COPG1: variants seen among roughly 807,000 people sequenced by gnomAD.
The protein encoded by COPG1 is coatomer subunit gamma-1.
COPG1 carries 29 observed loss-of-function variants against 102.8 expected under a neutral mutation model. That is an observed-to-expected ratio of 0.28 (90% CI 0.21 to 0.38). The LOEUF is 0.38. Ranked by LOEUF, COPG1 falls within the 10% of genes least tolerant of loss-of-function variation. COPG1 has a pLI of 1.00. For synonymous variants in COPG1, 406 were observed against 421.6 expected (o/e 0.96, Z 0.45); for missense variants, 875 against 1,132.7 (o/e 0.77, Z 3.27).
At chr3:129,252,384 T>A in intron 3 of COPG1, 23 bp downstream of exon 3, 1 of 1,530,542 alleles carries the variant, frequency 6.5e-7, no homozygotes, top group South Asian at 1.1e-5. Flanking sequence ...AGCTTGCGGG[T>A]AGGGAGAATG....
intron 8 of COPG1, among the ~76,000 whole-genome samples, chr3:129,257,158 G>T (rs1303806018): frequency 6.6e-6 from 1 of 152,172 alleles, no homozygotes; most frequent in East Asian, 1.9e-4. Context: ...AAAGCACCAG[G>T]TCTCCCACAT....
intron 4 of COPG1, 87 bp downstream of exon 4, chr3:129,252,781 G>A: frequency 6.5e-7 from 1 of 1,540,988 alleles, no homozygotes; most frequent in Non-Finnish European, 9.0e-7. Context: ...CCACCAGTCA[G>A]TGTGGGCTGC....
intron 10 of COPG1, among the ~76,000 whole-genome samples, chr3:129,259,742 C>G (rs1191566481): frequency 6.6e-6 from 1 of 152,078 alleles, no homozygotes; most frequent in African/African-American, 2.4e-5. Context: ...GCAGCCAGGG[C>G]AAGGGAGGGA....
rs1442185398 is a variant in COPG1, at chr3:129,249,664, G to T, written c.-46G>T. 1 of 1,549,398 alleles carries T rather than the reference G, an allele frequency of 6.5e-7. No individual in the cohort carries two copies. Among genetic ancestry groups the T allele is most frequent in the Admixed American group, 2.0e-5 (1 of 50,950 alleles). On this transcript the variant is annotated 5_prime_UTR_variant, in exon 1 of 24. Coordinates refer to ENST00000314797, the MANE Select transcript of COPG1 (RefSeq NM_016128.4). The stretch of plus-strand genomic sequence containing the variant: ...CTGTGGCACCGCTACTCCGTGCCGC[G>T]CCCGTCGAGCATTGCGTTGCTGCAT...
intron 12 of COPG1, among the ~76,000 whole-genome samples, chr3:129,262,416 C>G (rs1939942977): frequency 6.6e-6 from 1 of 151,986 alleles, no homozygotes; most frequent in Non-Finnish European, 1.5e-5. Flanking sequence ...CCATGCCCAG[C>G]TAATTTTTTG....
chr3:129,270,722 T>C (rs1940166601), intron 18 of COPG1, among the ~76,000 whole-genome samples: 1 of 152,162 alleles, frequency 6.6e-6, no homozygotes, highest in South Asian at 2.1e-4. Flanking sequence ...GGCCTACCTT[T>C]CTCTATGTCT....
rs1940101942 is a variant in COPG1 at position 129,267,998 on chromosome 3, G to A, written c.1606G>A (p.Glu536Lys). The A allele has an allele frequency of 1.2e-6, 2 of 1,614,034 alleles. No individual in the cohort carries two copies. Among genetic ancestry groups the A allele is most frequent in the East Asian group, 2.2e-5 (1 of 44,882 alleles). The stretch of plus-strand genomic sequence containing the variant: ...AGCCACCTTCTACCTAAATGTCCTG[G>A]AGCAGAAGCAGAAGGCCCTTAATGC... ...DRATFYLNVL[E>K]QKQKALNAGY... The change falls in exon 16 of 24, where the codon GAG becomes AAG. Residue 536 changes from glutamate (E) to lysine (K), a missense_variant. Physicochemically the swap from Glu to Lys is moderately conservative, Grantham distance 56 (BLOSUM62 1). Transcript: ENST00000314797.
At chr3:129,264,567 T>A (rs1294221915) in intron 13 of COPG1, among the ~76,000 whole-genome samples, 2 of 152,210 alleles carry the variant, frequency 1.3e-5, no homozygotes, top group Non-Finnish European at 2.9e-5. Context: ...TGAGTGTCTT[T>A]GCGTTTCCCA....
intron 12 of COPG1, among the ~76,000 whole-genome samples, chr3:129,262,356 C>G (rs950703687): frequency 6.6e-6 from 1 of 151,768 alleles, no homozygotes; most frequent in African/African-American, 2.4e-5. Context: ...GGGTTCACGC[C>G]ATTCTTCTGC....
In COPG1 at chr3:129,260,706, C is replaced by G; in HGVS notation, c.1027C>G (p.Leu343Val). 6.2e-7 allele frequency: 1 copy of G among 1,613,902 alleles called. No individual in the cohort carries two copies. Among genetic ancestry groups the G allele is most frequent in the South Asian group, 1.1e-5 (1 of 91,070 alleles). The change falls in exon 12 of 24, where the codon CTG (leucine) becomes GTG (valine). Residue 343 changes from leucine to valine, a missense_variant. Transcript: ENST00000314797. ...AGATTCAAACCGCAGCATTGCCACG[C>G]TGGCCATCACCACCCTCCTTAAGAC... is the stretch of plus-strand genomic sequence containing the variant. ...VTDSNRSIATLAITTLLKTGS... is the reference protein window; with the variant it reads ...VTDSNRSIATVAITTLLKTGS...
chr3:129,253,667 T>G (rs1416343790), intron 5 of COPG1, among the ~76,000 whole-genome samples: 1 of 152,086 alleles, frequency 6.6e-6, no homozygotes, highest in Non-Finnish European at 1.5e-5. Context: ...ATGATCTAAG[T>G]GGAGTCCTGA....
Position 129,272,357 on chromosome 3 carries a change from C to T in COPG1, c.2100C>T (p.Tyr700=), listed in dbSNP as rs1409758736. Residue 700 remains tyrosine (Y), a synonymous_variant, in exon 20 of 24, where the codon TAC becomes TAT. Coordinates refer to ENST00000314797, the MANE Select transcript of COPG1 (RefSeq NM_016128.4). ...ACGTGCCTGCCCGGAGCCTGCCCTA[C>T]AACCAGCCCGGGACCTGCTACACAC... ...LCYVPARSLP[Y]NQPGTCYTLV... The T allele has an allele frequency of 6.2e-7, 1 of 1,614,050 alleles. No individual in the cohort carries two copies. Among genetic ancestry groups the T allele is most frequent in the Non-Finnish European group, 8.5e-7 (1 of 1,180,014 alleles).
intron 14 of COPG1, 88 bp from the exon 15 acceptor site, chr3:129,266,936 C>T (rs1385825413): frequency 1.7e-6 from 2 of 1,144,244 alleles, no homozygotes; most frequent in Non-Finnish European, 2.6e-6. Context: ...GGCTCTTCTG[C>T]CTGAAGACCC....
At position 129,275,330 on chromosome 3, in the gene COPG1, T is replaced by C. The variant is rs918815947; in HGVS notation, c.2494+38T>C. On this transcript the variant is annotated intron_variant, in intron 23 of 23. Coordinates refer to ENST00000314797, the MANE Select transcript of COPG1 (RefSeq NM_016128.4). The surrounding 1 kb of genome is among the most constrained non-coding windows in gnomAD (Gnocchi z 5.0). ...TCTAGATGGGGAGGGCCTGGATAGC[T>C]TACAGCCTGGATGCCACTGGATCCT... 3.9e-6 allele frequency: 6 copies of C among 1,554,022 alleles called. No homozygotes were observed. The highest frequency in any genetic ancestry group is 5.3e-6 in the Non-Finnish European group (6 of 1,125,976).
Position 129,275,345 on chromosome 3 carries a change from C to T in COPG1, c.2494+53C>T. 7.0e-7 allele frequency: 1 copy of T among 1,421,018 alleles called. No individual in the cohort carries two copies. Among genetic ancestry groups the T allele is most frequent in the Non-Finnish European group, 9.9e-7 (1 of 1,005,994 alleles). 88.0% of individuals were successfully genotyped at this position (1,421,018 alleles called of 1,614,324 possible). On this transcript the variant is annotated intron_variant, in intron 23 of 23. Transcript: ENST00000314797. This position sits in a 1 kb window ranked among gnomAD's most constrained non-coding sequence, Gnocchi z 5.0. The stretch of plus-strand genomic sequence containing the variant: ...CCTGGATAGCTTACAGCCTGGATGC[C>T]ACTGGATCCTGGGCTAAGGACTCCA...
chr3:129,267,654 A>G (rs994397816), intron 15 of COPG1, among the ~76,000 whole-genome samples: 1 of 152,260 alleles, frequency 6.6e-6, no homozygotes, highest in South Asian at 2.1e-4. Flanking sequence ...TATAATTCAC[A>G]TACCATACAA....
At chr3:129,252,597 T>G (rs371399914) in intron 3 of COPG1, 26 bp from the exon 4 acceptor site, 16 of 1,601,876 alleles carry the variant, frequency 1.0e-5, no homozygotes, top group Non-Finnish European at 1.4e-5. Context: ...TGTCCCAAGC[T>G]GAGACTTCTT....
intron 2 of COPG1, 102 bp from the exon 3 acceptor site, chr3:129,252,179 G>A (rs1208174034): frequency 1.2e-6 from 1 of 818,938 alleles, no homozygotes; most frequent in Non-Finnish European, 2.1e-6. Flanking sequence ...AGAAAGCCCT[G>A]TTTAGACAAG....
chr3:129,253,869 G>A (rs973828145), intron 5 of COPG1, among the ~76,000 whole-genome samples: 16 of 151,828 alleles, frequency 1.1e-4, no homozygotes, highest in South Asian at 4.2e-4. Context: ...GTGTGGTGGC[G>A]CACACCTATA....
Sources: gnomAD v4.1 joint callset for allele counts (sites outside exome capture counted in the v4.1 genomes callset) on GRCh38, gnomAD v4.1.1 for gene constraint, Gnocchi (gnomAD v3.1) non-coding constraint, MANE v1.5 for transcripts, NCBI Gene and HGNC (gene_info 2026-07-23, HGNC 2026-07-21) for gene names.